Variants in UNC5D observed in about 807,000 individuals in gnomAD.
UNC5D encodes netrin receptor UNC5D.
UNC5D carries 39 observed loss-of-function variants against 105.4 expected under a neutral mutation model. That is an observed-to-expected ratio of 0.37 (90% confidence interval 0.29 to 0.48). The LOEUF is 0.48. Ranked by LOEUF, UNC5D falls within the 20% of genes least tolerant of loss-of-function variation. The pLI is 0.98. For missense variants in UNC5D, 991 were observed against 1,202.4 expected (o/e 0.82, Z 2.60); for synonymous variants, 452 against 450.4 (o/e 1.00, Z -0.04).
intron 1 of UNC5D, among the ~76,000 whole-genome samples, chr8:35,533,581 C>T (rs549084634): frequency 5.3e-5 from 8 of 152,234 alleles, no homozygotes; most frequent in Admixed American, 6.5e-5. Context: ...CCACCCAATT[C>T]GAGCTTCCTG....
At chr8:35,657,139 A>G (rs1380138531) in intron 4 of UNC5D, among the ~76,000 whole-genome samples, 1 of 114,454 alleles carries the variant, frequency 8.7e-6, no homozygotes, top group Non-Finnish European at 1.7e-5. Context: ...TTGCTTTTTC[A>G]TGACCATTCT....
chr8:35,414,529 C>G (rs1805406659), intron 1 of UNC5D, among the ~76,000 whole-genome samples: 1 of 151,476 alleles, frequency 6.6e-6, no homozygotes, highest in African/African-American at 2.4e-5. Flanking sequence ...AGAATTAAAC[C>G]CCAAAACTAG....
chr8:35,383,455 C>A (rs1803166603), intron 1 of UNC5D, among the ~76,000 whole-genome samples: 1 of 152,158 alleles, frequency 6.6e-6, no homozygotes, highest in African/African-American at 2.4e-5. Flanking sequence ...AATTGTATAC[C>A]CATTCCTTTG....
At chr8:35,653,149 C>T (rs1586344228) in intron 4 of UNC5D, among the ~76,000 whole-genome samples, 2 of 151,828 alleles carry the variant, frequency 1.3e-5, no homozygotes, top group Admixed American at 1.3e-4. Context: ...AGGATAGTCT[C>T]GATCTCTTGA....
chr8:35,536,263 A>G (rs185443526), intron 1 of UNC5D, among the ~76,000 whole-genome samples: 140 of 152,348 alleles, frequency 9.2e-4, no homozygotes, highest in African/African-American at 3.3e-3. Flanking sequence ...GGACACTATT[A>G]CCATGTGGTG....
At chr8:35,671,784 G>T (rs1449981395) in intron 4 of UNC5D, among the ~76,000 whole-genome samples, 1 of 152,100 alleles carries the variant, frequency 6.6e-6, no homozygotes, top group Non-Finnish European at 1.5e-5. Context: ...AATAGAAGAT[G>T]AATAAGTGTA....
chr8:35,395,933 A>C (rs1804068940), intron 1 of UNC5D, among the ~76,000 whole-genome samples: 1 of 152,182 alleles, frequency 6.6e-6, no homozygotes. Context: ...GACTGTCAGG[A>C]AAATACTTTT....
At chr8:35,389,787 G>A (rs181973652) in intron 1 of UNC5D, among the ~76,000 whole-genome samples, 1 of 151,028 alleles carries the variant, frequency 6.6e-6, no homozygotes, top group East Asian at 1.9e-4. Flanking sequence ...TACAAGCAAT[G>A]GGAAGTTAAA....
At position 35,778,859 on chromosome 8, in the gene UNC5D, C is replaced by G. The variant is rs150063235; in HGVS notation, c.2657+4382C>G. Among the ~76,000 whole-genome samples, 190 of 152,268 alleles carry G rather than the reference C, an allele frequency of 1.2e-3. 2 individuals are homozygous for G. The highest frequency in any genetic ancestry group is 6.8e-3 in the Middle Eastern group (2 of 294). The stretch of plus-strand genomic sequence containing the variant: ...TTGCCAATCAAGTTTCTACTTAGAT[C>G]TGAATAGGAAGGAAAAGACAGGGAA... On this transcript the variant is annotated intron_variant, in intron 16 of 16. Coordinates refer to ENST00000404895, the MANE Select transcript of UNC5D (RefSeq NM_080872.4).
intron 1 of UNC5D, among the ~76,000 whole-genome samples, chr8:35,405,941 G>A (rs946276245): frequency 6.6e-6 from 1 of 152,100 alleles, no homozygotes; most frequent in African/African-American, 2.4e-5. Flanking sequence ...TGTATTCTAG[G>A]TTTGCAGACT....
chr8:35,306,005 G>T (rs1201053063), intron 1 of UNC5D, among the ~76,000 whole-genome samples: 1 of 150,974 alleles, frequency 6.6e-6, no homozygotes, highest in African/African-American at 2.4e-5. Flanking sequence ...ATATGATTAG[G>T]ATAATATGGC....
rs555897042 is a variant in UNC5D, at chr8:35,271,657, ATATT to A, written c.103+35774_103+35777del. ...TATTATGTATACCATATGTATACCT[ATATT>A]TATACAGGTATACATATATATGTAT... On this transcript the variant is annotated intron_variant, in intron 1 of 16. Transcript: ENST00000404895. 3.8e-3 allele frequency among the ~76,000 whole-genome samples: 513 copies of A among 134,408 alleles called. 8 individuals carry two copies. The highest frequency in any genetic ancestry group is 0.013 in the African/African-American group (483 of 36,002). The allele number at this position is 134,408 out of a possible 152,430, so 88.2% of individuals were successfully genotyped here.
At chr8:35,627,126 A>G (rs1821738246) in intron 4 of UNC5D, among the ~76,000 whole-genome samples, 1 of 152,228 alleles carries the variant, frequency 6.6e-6, no homozygotes, top group Non-Finnish European at 1.5e-5. Context: ...AACAAAATGT[A>G]TTCAGGGATT....
chr8:35,650,721 C>CT (rs1204161758), intron 4 of UNC5D, among the ~76,000 whole-genome samples: 3 of 152,134 alleles, frequency 2.0e-5, no homozygotes, highest in African/African-American at 7.2e-5. Context: ...ATCCGCCCAC[C>CT]TCGGCCTCCC....
At chr8:35,621,509 A>C (rs1563600767) in intron 4 of UNC5D, among the ~76,000 whole-genome samples, 1 of 152,192 alleles carries the variant, frequency 6.6e-6, no homozygotes, top group African/African-American at 2.4e-5. Context: ...CTAGAATTCA[A>C]GGGATGAGGT....
chr8:35,489,456 T>C (rs1295468186), intron 1 of UNC5D, among the ~76,000 whole-genome samples: 1 of 152,208 alleles, frequency 6.6e-6, no homozygotes, highest in East Asian at 1.9e-4. Context: ...AGGGTGGTTT[T>C]CCTTAATCTC....
At chr8:35,420,006 G>A (rs751441209) in intron 1 of UNC5D, among the ~76,000 whole-genome samples, 3 of 152,036 alleles carry the variant, frequency 2.0e-5, no homozygotes, top group Non-Finnish European at 2.9e-5. Context: ...ATGGGGGAGT[G>A]CATGCTGATT....
chr8:35,653,985 T>G (rs1823580190), intron 4 of UNC5D, among the ~76,000 whole-genome samples: 1 of 152,174 alleles, frequency 6.6e-6, no homozygotes, highest in Non-Finnish European at 1.5e-5. Flanking sequence ...TTAACTGAGA[T>G]TCATCTGCAG....
At chr8:35,356,369 C>T (rs1241857413) in intron 1 of UNC5D, among the ~76,000 whole-genome samples, 4 of 152,132 alleles carry the variant, frequency 2.6e-5, no homozygotes, top group Non-Finnish European at 4.4e-5. Context: ...CTACAATCCC[C>T]GTTGGATGCC....
Sources: allele counts gnomAD v4.1 joint callset (sites outside exome capture counted in the v4.1 genomes callset), GRCh38; gene constraint gnomAD v4.1.1; transcripts MANE v1.5; gene names NCBI Gene and HGNC (gene_info 2026-07-23, HGNC 2026-07-21).